GRM1: variants seen among roughly 807,000 people sequenced by gnomAD.
GRM1 encodes the protein metabotropic glutamate receptor 1.
GRM1 carries 33 observed loss-of-function variants against 90.9 expected under a neutral mutation model. That is an observed-to-expected ratio of 0.36 (90% CI 0.28 to 0.49). The LOEUF is 0.49. GRM1 is among the 20% of genes least tolerant of loss of function. The pLI is 0.99. For missense variants in GRM1, 1,190 were observed against 1,534.3 expected, an observed-to-expected ratio of 0.78 and a Z score of 3.75; for synonymous variants, 700 against 613.2, an observed-to-expected ratio of 1.14 and a Z score of -2.09.
At chr6:146,219,907 T>TTGTGTG (rs113309622) in intron 2 of GRM1, among the ~76,000 whole-genome samples, 9 of 148,498 alleles carry the variant, frequency 6.1e-5, no homozygotes, top group African/African-American at 1.2e-4. Flanking sequence ...TCTTGTTGTT[T>TTGTGTG]TGTGTGTGTG....
chr6:146,099,645 A>G (rs1161059480), intron 1 of GRM1, among the ~76,000 whole-genome samples: 2 of 152,204 alleles, frequency 1.3e-5, no homozygotes, highest in Non-Finnish European at 2.9e-5. Flanking sequence ...TATAAGTGGG[A>G]CCATTTATAT....
intron 1 of GRM1, among the ~76,000 whole-genome samples, chr6:146,122,003 C>T (rs993873126): frequency 2.0e-5 from 3 of 152,064 alleles, no homozygotes; most frequent in Non-Finnish European, 2.9e-5. Context: ...CTTTCTGTCT[C>T]GTTGATCCGT....
At chr6:146,064,624 G>T (rs1262796908) in intron 1 of GRM1, among the ~76,000 whole-genome samples, 3 of 150,016 alleles carry the variant, frequency 2.0e-5, no homozygotes, top group Non-Finnish European at 3.0e-5. Flanking sequence ...TTCTCACAAA[G>T]AAATCAAAAT....
chr6:146,109,657 A>G (rs960906783), intron 1 of GRM1, among the ~76,000 whole-genome samples: 13 of 152,080 alleles, frequency 8.5e-5, no homozygotes, highest in Admixed American at 5.9e-4. Flanking sequence ...TGACCTCCAG[A>G]CCCCAGAATG....
intron 1 of GRM1, among the ~76,000 whole-genome samples, chr6:146,127,068 G>T (rs931664942): frequency 6.6e-6 from 1 of 152,238 alleles, no homozygotes; most frequent in South Asian, 2.1e-4. Context: ...CCATGTAAGT[G>T]AGCAGCCCTG....
chr6:146,253,390 G>A (rs913572202), intron 2 of GRM1, among the ~76,000 whole-genome samples: 1 of 152,096 alleles, frequency 6.6e-6, no homozygotes, highest in African/African-American at 2.4e-5. Flanking sequence ...CGTGTTTTGG[G>A]GGGAGATTTA....
chr6:146,274,384 A>G (rs1782280589), intron 2 of GRM1, among the ~76,000 whole-genome samples: 1 of 152,240 alleles, frequency 6.6e-6, no homozygotes, highest in Non-Finnish European at 1.5e-5. Flanking sequence ...AATACTGCAA[A>G]GAATATCACC....
intron 1 of GRM1, among the ~76,000 whole-genome samples, chr6:146,058,152 GTCA>G (rs1449013013): frequency 6.6e-6 from 1 of 152,026 alleles, no homozygotes; most frequent in Non-Finnish European, 1.5e-5. Flanking sequence ...ATAACGAGCT[GTCA>G]TCTTCTTTTT....
At chr6:146,121,287 C>T (rs189650331) in intron 1 of GRM1, among the ~76,000 whole-genome samples, 2 of 152,088 alleles carry the variant, frequency 1.3e-5, no homozygotes, top group African/African-American at 2.4e-5. Context: ...GGTGCTATCC[C>T]CTTTATCATT....
At chr6:146,401,484 T>G (rs1365385834) in intron 7 of GRM1, among the ~76,000 whole-genome samples, 1 of 152,084 alleles carries the variant, frequency 6.6e-6, no homozygotes, top group Non-Finnish European at 1.5e-5. Context: ...CAATTTCCAT[T>G]AAGAGGGAAG....
At chr6:146,253,602 T>A (rs1219994589) in intron 2 of GRM1, among the ~76,000 whole-genome samples, 1 of 152,168 alleles carries the variant, frequency 6.6e-6, no homozygotes, top group Non-Finnish European at 1.5e-5. Flanking sequence ...GACCTTTGTT[T>A]CTTAAAATCA....
chr6:146,350,137 A>C (rs557183767), intron 3 of GRM1, among the ~76,000 whole-genome samples: 6 of 152,374 alleles, frequency 3.9e-5, no homozygotes, highest in African/African-American at 1.4e-4. Flanking sequence ...TTCCTGTCTC[A>C]GTGCTGATGA....
chr6:146,040,764 T>G (rs1279422273), intron 1 of GRM1, among the ~76,000 whole-genome samples: 1 of 151,972 alleles, frequency 6.6e-6, no homozygotes, highest in Non-Finnish European at 1.5e-5. Context: ...CTACCCTTCT[T>G]GTACCTAGAG....
intron 7 of GRM1, among the ~76,000 whole-genome samples, chr6:146,427,855 C>A (rs1037148603): frequency 6.6e-6 from 1 of 152,088 alleles, no homozygotes; most frequent in Non-Finnish European, 1.5e-5. Context: ...AAGGACACAG[C>A]AAGGAGATTC....
At position 146,276,665 on chromosome 6, in the gene GRM1, G is replaced by C. The variant is rs192723814; in HGVS notation, c.951-27946G>C. Among the ~76,000 whole-genome samples the C allele has an allele frequency of 4.9e-3, 739 of 151,976 alleles. 7 individuals carry two copies. The highest frequency in any genetic ancestry group is 0.017 in the African/African-American group (691 of 41,376). On this transcript the variant is annotated intron_variant, in intron 2 of 7. Coordinates refer to ENST00000282753, the MANE Select transcript of GRM1 (RefSeq NM_001278064.2). ...ACACCAGAACAATTGTAAACACTTT[G>C]ATTTTTTTTTCTTCCAGAGAAAATG...
chr6:146,204,886 C>T (rs1389568158), intron 2 of GRM1, among the ~76,000 whole-genome samples: 1 of 152,126 alleles, frequency 6.6e-6, no homozygotes, highest in Non-Finnish European at 1.5e-5. Context: ...CTATGGCTGC[C>T]CTTGAAATTC....
At chr6:146,213,739 G>A (rs1008512500) in intron 2 of GRM1, among the ~76,000 whole-genome samples, 17 of 152,104 alleles carry the variant, frequency 1.1e-4, no homozygotes, top group Non-Finnish European at 1.8e-4. Context: ...TAGATAGATG[G>A]ATGAAAGGAG....
intron 1 of GRM1, among the ~76,000 whole-genome samples, chr6:146,050,438 T>C (rs1402088186): frequency 6.6e-6 from 1 of 152,046 alleles, no homozygotes; most frequent in African/African-American, 2.4e-5. Context: ...CACTTGATCC[T>C]TGAAAAACCT....
intron 1 of GRM1, among the ~76,000 whole-genome samples, chr6:146,067,662 TA>T (rs1375831595): frequency 6.6e-6 from 1 of 152,136 alleles, no homozygotes; most frequent in African/African-American, 2.4e-5. Flanking sequence ...GTTATACAAA[TA>T]AAAGCCTAAG....
Sources: gnomAD v4.1 joint callset for allele counts (sites outside exome capture counted in the v4.1 genomes callset) on GRCh38, gnomAD v4.1.1 for gene constraint, MANE v1.5 for transcripts, NCBI Gene and HGNC (gene_info 2026-07-23, HGNC 2026-07-21) for gene names.